ZNF652: variants seen among roughly 807,000 people sequenced by gnomAD.
The protein encoded by ZNF652 is zinc finger protein 652.
ZNF652 carries 16 observed loss-of-function variants against 45.2 expected under a neutral mutation model. The ratio of observed to expected loss-of-function variants is 0.35; its 90% CI spans 0.24 to 0.54. The LOEUF (loss-of-function observed/expected upper bound fraction) is 0.54, where lower values mean the gene tolerates loss of function less well. Ranked by LOEUF, ZNF652 falls within the 20% of genes least tolerant of loss-of-function variation. The probability of loss-of-function intolerance (pLI) is 0.91; values close to 1 mark genes in which losing one functional copy is unlikely to be tolerated. For synonymous variants in ZNF652, 250 were observed against 260.6 expected, an observed-to-expected ratio of 0.96 and a Z score of 0.39; for missense variants, 614 against 765.6, an observed-to-expected ratio of 0.80 and a Z score of 2.34.
chr17:49,329,620 T>A (rs2070001799), intron 1 of ZNF652, among the ~76,000 whole-genome samples: 1 of 152,240 alleles, frequency 6.6e-6, no homozygotes, highest in Non-Finnish European at 1.5e-5. Context: ...TTTTAAGCAG[T>A]CCATCTAATC....
chr17:49,323,352 T>A (rs1395751403), intron 1 of ZNF652, among the ~76,000 whole-genome samples: 1 of 152,212 alleles, frequency 6.6e-6, no homozygotes, highest in Non-Finnish European at 1.5e-5. Flanking sequence ...AGGCTCCACT[T>A]CTAATTCTAG....
intron 1 of ZNF652, among the ~76,000 whole-genome samples, chr17:49,339,161 T>C (rs1311550105): frequency 6.7e-6 from 1 of 149,598 alleles, no homozygotes; most frequent in Non-Finnish European, 1.5e-5. Context: ...AGAGCTAGAG[T>C]AGAACTCAAA....
intron 4 of ZNF652, 91 bp from the exon 5 acceptor site, chr17:49,311,547 T>C (rs1406268009): frequency 1.5e-6 from 2 of 1,356,208 alleles, no homozygotes; most frequent in East Asian, 4.8e-5. Context: ...TAGGCTTATT[T>C]TTCATATTCA....
intron 1 of ZNF652, among the ~76,000 whole-genome samples, chr17:49,328,963 AAAC>A (rs1280857884): frequency 2.6e-5 from 4 of 152,252 alleles, no homozygotes; most frequent in Admixed American, 6.5e-5. Context: ...AGTTAATGGT[AAAC>A]AACAGTCTCA....
chr17:49,306,227 T>C (rs1212497248), intron 5 of ZNF652, among the ~76,000 whole-genome samples: 2 of 151,910 alleles, frequency 1.3e-5, no homozygotes, highest in Admixed American at 1.3e-4. Context: ...TCAACATTAA[T>C]GAAATTAAAA....
At chr17:49,350,307 G>C (rs1179814835) in intron 1 of ZNF652, among the ~76,000 whole-genome samples, 1 of 152,142 alleles carries the variant, frequency 6.6e-6, no homozygotes, top group East Asian at 1.9e-4. Context: ...GGGAGGCCAA[G>C]GCGGGCAGAT....
At chr17:49,357,484 T>C (rs2070350023) in intron 1 of ZNF652, among the ~76,000 whole-genome samples, 1 of 152,142 alleles carries the variant, frequency 6.6e-6, no homozygotes, top group Non-Finnish European at 1.5e-5. Flanking sequence ...CTCAAATCTA[T>C]AGCCCCAATA....
At chr17:49,313,495 G>C (rs1429043473) in intron 2 of ZNF652, among the ~76,000 whole-genome samples, 1 of 151,982 alleles carries the variant, frequency 6.6e-6, no homozygotes, top group Non-Finnish European at 1.5e-5. Flanking sequence ...CAAGACATTC[G>C]AGTTTTAAAA....
chr17:49,312,435 G>C (rs1290605502), intron 3 of ZNF652, among the ~76,000 whole-genome samples: 1 of 152,050 alleles, frequency 6.6e-6, no homozygotes, highest in Non-Finnish European at 1.5e-5. Flanking sequence ...CAAAGTGCTG[G>C]GATTACAGGT....
At chr17:49,360,780 A>C (rs903262914) in intron 1 of ZNF652, among the ~76,000 whole-genome samples, 1 of 152,212 alleles carries the variant, frequency 6.6e-6, no homozygotes, top group African/African-American at 2.4e-5. Context: ...TTTCCTGAAT[A>C]CTACCCTACG....
At chr17:49,362,392 C>T (rs1598324876), upstream of ZNF652, 1 of 151,336 alleles carries the variant, frequency 6.6e-6, no homozygotes, top group African/African-American at 2.4e-5. Context: ...ATGCGCAGCC[C>T]TCGGGCCGGC....
At chr17:49,315,428 AAT>A (rs2069788239) in intron 2 of ZNF652, among the ~76,000 whole-genome samples, 1 of 152,136 alleles carries the variant, frequency 6.6e-6, no homozygotes, top group African/African-American at 2.4e-5. Flanking sequence ...TATGAATGTG[AAT>A]AAAGTTCATT....
Position 49,298,575 on chromosome 17 carries a change from G to A in ZNF652, c.1659C>T (p.His553=), listed in dbSNP as rs1230277828. 6.2e-7 allele frequency: 1 copy of A among 1,611,702 alleles called. No individual in the cohort carries two copies. The highest frequency in any genetic ancestry group is 1.3e-5 in the African/African-American group (1 of 74,770). The change falls in exon 6 of 6, where the codon CAC becomes CAT. Residue 553 remains histidine, a synonymous_variant. Transcript: ENST00000430262. Reference sequence around the variant, plus strand: ...GGTGGTGTGGGTGGTGAGGGTGTGGGTGGATGTGCAGGTGTGAGAAGGGGT... The same window carrying A: ...GGTGGTGTGGGTGGTGAGGGTGTGGATGGATGTGCAGGTGTGAGAAGGGGT... ...IPHPFSHLHI[H]PHPHHPHHLP... is the part of the protein sequence containing the mutation.
intron 1 of ZNF652, among the ~76,000 whole-genome samples, chr17:49,334,722 T>G (rs1021712281): frequency 6.7e-6 from 1 of 150,092 alleles, no homozygotes; most frequent in Non-Finnish European, 1.5e-5. Context: ...GAGGTTGCAG[T>G]GAGCTGAGAT....
At chr17:49,360,433 G>C (rs1203858763) in intron 1 of ZNF652, among the ~76,000 whole-genome samples, 1 of 152,100 alleles carries the variant, frequency 6.6e-6, no homozygotes, top group African/African-American at 2.4e-5. Flanking sequence ...CCCAAACAAA[G>C]ATTACTAACC....
chr17:49,302,615 G>A (rs988657478), intron 5 of ZNF652, among the ~76,000 whole-genome samples: 1 of 149,242 alleles, frequency 6.7e-6, no homozygotes, highest in African/African-American at 2.5e-5. Context: ...ACATCAAAAT[G>A]TATAATCTAT....
At chr17:49,336,789 G>C (rs2070087462) in intron 1 of ZNF652, among the ~76,000 whole-genome samples, 1 of 151,718 alleles carries the variant, frequency 6.6e-6, no homozygotes, top group African/African-American at 2.4e-5. Context: ...ACCACACCCA[G>C]CTAGTTTTTG....
At chr17:49,333,033 C>T (rs531506188) in intron 1 of ZNF652, among the ~76,000 whole-genome samples, 1 of 151,694 alleles carries the variant, frequency 6.6e-6, no homozygotes, top group South Asian at 2.1e-4. Context: ...GCAAGAAGAC[C>T]CTGTCTGAAA....
rs2286017 is a variant in ZNF652 at position 49,293,675 on chromosome 17, A to G, written c.*4738T>C. Among the ~76,000 whole-genome samples the G allele has an allele frequency of 0.22, 32,040 of 142,430 alleles. 3,678 individuals are homozygous for G. The highest frequency in any genetic ancestry group is 0.31 in the South Asian group (1,420 of 4,594). 93.4% of individuals were successfully genotyped at this position (142,430 alleles called of 152,430 possible). On this transcript the variant is annotated 3_prime_UTR_variant, in exon 6 of 6. Coordinates refer to ENST00000430262, the MANE Select transcript of ZNF652 (RefSeq NM_001145365.3). ...ATTCCTAAAAAAAAAAAAAAAAAAA[A>G]AAAAAAAAAACTCTTAAGTAATTTC...
Sources: allele counts gnomAD v4.1 joint callset (sites outside exome capture counted in the v4.1 genomes callset), GRCh38; gene constraint gnomAD v4.1.1; transcripts MANE v1.5; gene names NCBI Gene and HGNC (gene_info 2026-07-23, HGNC 2026-07-21).